Variants in CASTOR2 observed in about 807,000 individuals in gnomAD.
CASTOR2 encodes the protein GATS protein like 2.
Under a neutral mutation model 31.2 loss-of-function variants are expected in CASTOR2, and 8 were observed. That is an observed-to-expected ratio of 0.26 (90% CI 0.15 to 0.46). The LOEUF (loss-of-function observed/expected upper bound fraction) is 0.46, where lower values mean the gene tolerates loss of function less well. Among genes scored for constraint, CASTOR2 ranks in the 20% least tolerant of loss-of-function variants. The probability of loss-of-function intolerance (pLI) is 0.99; values close to 1 mark genes in which losing one functional copy is unlikely to be tolerated. For missense variants in CASTOR2, 216 were observed against 382.1 expected, an observed-to-expected ratio of 0.57 and a Z score of 3.62; for synonymous variants, 162 against 158.7, an observed-to-expected ratio of 1.02 and a Z score of -0.16.
intron 1 of CASTOR2, among the ~76,000 whole-genome samples, chr7:75,005,136 G>A (rs1472903756): frequency 6.6e-6 from 1 of 152,080 alleles, no homozygotes; most frequent in South Asian, 2.1e-4. Flanking sequence ...CAAAGTGCTG[G>A]GATTACAGGC....
At chr7:74,998,071 A>G (rs1554438083) in intron 1 of CASTOR2, among the ~76,000 whole-genome samples, 1 of 152,102 alleles carries the variant, frequency 6.6e-6, no homozygotes, top group Non-Finnish European at 1.5e-5. Context: ...GGCGTATGCT[A>G]CAAGTCCCCC....
At chr7:75,023,535 G>A (rs1805057872) in intron 7 of CASTOR2, among the ~76,000 whole-genome samples, 2 of 145,918 alleles carry the variant, frequency 1.4e-5, no homozygotes, top group South Asian at 4.3e-4. Flanking sequence ...GTGCAATGGC[G>A]CAGTCTTCGC....
intron 6 of CASTOR2, 66 bp from the exon 7 acceptor site, chr7:75,021,808 C>T (rs1422499922): frequency 6.6e-7 from 1 of 1,524,460 alleles, no homozygotes; most frequent in African/African-American, 1.4e-5. Flanking sequence ...GCTGGTGCAC[C>T]AGCACACCAA....
intron 1 of CASTOR2, among the ~76,000 whole-genome samples, chr7:74,997,555 A>G (rs1214296830): frequency 4.0e-5 from 6 of 151,554 alleles, no homozygotes; most frequent in Non-Finnish European, 7.4e-5. Context: ...CCCCCCAAGT[A>G]GCTAGGATTA....
intron 1 of CASTOR2, among the ~76,000 whole-genome samples, chr7:74,982,475 C>T (rs1674741054): frequency 1.3e-5 from 2 of 150,500 alleles, no homozygotes; most frequent in South Asian, 2.1e-4. Flanking sequence ...GCTGGACTCC[C>T]TCCACCCCCT....
intron 1 of CASTOR2, among the ~76,000 whole-genome samples, chr7:74,997,234 A>G (rs1358125161): frequency 4.6e-5 from 7 of 150,970 alleles, no homozygotes; most frequent in African/African-American, 1.7e-4. Context: ...TTTTTTTTAG[A>G]TTATTTTTTG....
At chr7:75,012,299 T>C (rs1804769048) in intron 2 of CASTOR2, among the ~76,000 whole-genome samples, 1 of 152,044 alleles carries the variant, frequency 6.6e-6, no homozygotes, top group African/African-American at 2.4e-5. Context: ...AAAGAGAGTT[T>C]AGTTTTTGTT....
intron 1 of CASTOR2, among the ~76,000 whole-genome samples, chr7:74,965,975 T>G: frequency 6.1e-5 from 1 of 16,268 alleles, no homozygotes; most frequent in Admixed American, 7.9e-4. Flanking sequence ...GGTGCTTGCA[T>G]TAGGGTTTTG....
At chr7:74,994,949 A>G (rs1804305493) in intron 1 of CASTOR2, among the ~76,000 whole-genome samples, 1 of 152,144 alleles carries the variant, frequency 6.6e-6, no homozygotes, top group Non-Finnish European at 1.5e-5. Context: ...CACAGGAAGC[A>G]GAGGACTGTC....
intron 1 of CASTOR2, among the ~76,000 whole-genome samples, chr7:74,982,340 T>C (rs1803965282): frequency 6.6e-6 from 1 of 151,198 alleles, no homozygotes; most frequent in Admixed American, 6.6e-5. Context: ...AACTTGCTCC[T>C]GCATTTGGCC....
intron 2 of CASTOR2, among the ~76,000 whole-genome samples, chr7:75,015,849 T>G (rs1462433453): frequency 1.3e-5 from 2 of 152,102 alleles, no homozygotes; most frequent in Non-Finnish European, 2.9e-5. Flanking sequence ...GGTGGATCAC[T>G]TGAGGCCAGG....
At position 75,030,434 on chromosome 7, in the gene CASTOR2, C is replaced by G. The variant is rs1467799523; in HGVS notation, c.*5735C>G. ...CTCCAGGGGAGAGGGTGGGGCGTCT[C>G]TGGTAGGACGGCCTCACCCCACTTG... On this transcript the variant is annotated 3_prime_UTR_variant, in exon 9 of 9. Coordinates refer to ENST00000616305, the MANE Select transcript of CASTOR2 (RefSeq NM_001145064.3). Among the ~76,000 whole-genome samples, 1 of 152,146 alleles carries G rather than the reference C, an allele frequency of 6.6e-6. No homozygotes were observed. The highest frequency in any genetic ancestry group is 1.9e-4 in the East Asian group (1 of 5,192).
chr7:74,982,563 C>T (rs1325157300), intron 1 of CASTOR2, among the ~76,000 whole-genome samples: 1 of 125,588 alleles, frequency 8.0e-6, no homozygotes, highest in Non-Finnish European at 1.7e-5. Context: ...ATGGGCTGGG[C>T]GTGGTGGCTC....
chr7:75,011,562 A>T (rs1237580259), intron 2 of CASTOR2, among the ~76,000 whole-genome samples: 1 of 151,724 alleles, frequency 6.6e-6, no homozygotes, highest in Non-Finnish European at 1.5e-5. Context: ...GTGAAACCCC[A>T]TATCTACTAA....
At position 75,020,137 on chromosome 7, in the gene CASTOR2, A is replaced by C; in HGVS notation, c.734A>C (p.Gln245Pro). 6.4e-7 allele frequency: 1 copy of C among 1,551,512 alleles called. No individual in the cohort carries two copies. Among genetic ancestry groups the C allele is most frequent in the South Asian group, 1.2e-5 (1 of 84,058 alleles). ...TACATCTCCCTGGTGATGGACGTGC[A>C]GACGCAGCAGAGGTGAGCCAGGCCC... ...EGYISLVMDV[Q>P]TQQRFPSNLL... Residue 245 changes from glutamine (Q) to proline (P), a missense_variant, in exon 6 of 9, where the codon CAG (glutamine) becomes CCG (proline). This residue lies in a region of CASTOR2 where 44 missense variants were observed against 57.5 expected (regional missense o/e 0.76). Transcript: ENST00000616305.
chr7:75,003,043 G>A (rs1198795266), intron 1 of CASTOR2, among the ~76,000 whole-genome samples: 1 of 152,180 alleles, frequency 6.6e-6, no homozygotes, highest in Non-Finnish European at 1.5e-5. Context: ...CCAACTGCCC[G>A]GCAATAGGGG....
chr7:75,021,830 A>G, intron 6 of CASTOR2, 44 bp from the exon 7 acceptor site: 3 of 1,550,550 alleles, frequency 1.9e-6, no homozygotes, highest in Non-Finnish European at 2.6e-6. Context: ...GAGGGAGTGC[A>G]ATTCACATCA....
At chr7:75,001,834 C>G (rs1426711463) in intron 1 of CASTOR2, among the ~76,000 whole-genome samples, 1 of 152,154 alleles carries the variant, frequency 6.6e-6, no homozygotes, top group African/African-American at 2.4e-5. Flanking sequence ...GTGGGAAGCA[C>G]TCGGCACTGT....
At chr7:74,997,569 G>T (rs1308908831) in intron 1 of CASTOR2, among the ~76,000 whole-genome samples, 1 of 151,970 alleles carries the variant, frequency 6.6e-6, no homozygotes, top group Non-Finnish European at 1.5e-5. Flanking sequence ...AGGATTACAG[G>T]CATGTGCCAC....
Sources: allele counts gnomAD v4.1 joint callset (sites outside exome capture counted in the v4.1 genomes callset), GRCh38; gene constraint gnomAD v4.1.1; regional missense constraint gnomAD v4.1.1; transcripts MANE v1.5; gene names NCBI Gene and HGNC (gene_info 2026-07-23, HGNC 2026-07-21).